Variants in SCMH1 observed in about 807,000 individuals in gnomAD.
SCMH1 encodes Scm polycomb group protein homolog 1.
Under a neutral mutation model 70.8 loss-of-function variants are expected in SCMH1, and 37 were observed. The ratio of observed to expected loss-of-function variants is 0.52; its 90% CI spans 0.40 to 0.69. The LOEUF (loss-of-function observed/expected upper bound fraction) is 0.69. Among genes scored for constraint, SCMH1 ranks in the 30% least tolerant of loss-of-function variants. The probability of loss-of-function intolerance (pLI) is 0.00; values close to 1 mark genes in which losing one functional copy is unlikely to be tolerated. For synonymous variants in SCMH1, 292 were observed against 307.4 expected, an observed-to-expected ratio of 0.95 and a Z score of 0.52; for missense variants, 607 against 827.3, an observed-to-expected ratio of 0.73 and a Z score of 3.27.
intron 3 of SCMH1, 116 bp downstream of exon 3, chr1:41,161,248 G>C (rs533210461): frequency 1.4e-6 from 2 of 1,470,438 alleles, no homozygotes; most frequent in Admixed American, 4.8e-5. Flanking sequence ...TGCAATATTT[G>C]CTTCTGATAT....
exon 15 of SCMH1, chr1:41,028,076 T>TA (rs1643987845): frequency 1.8e-5 from 23 of 1,270,386 alleles, no homozygotes; most frequent in Non-Finnish European, 2.3e-5. Flanking sequence ...CACAGCCTCT[T>TA]GGAGTCCTGA....
At chr1:41,074,859 C>A (rs1336310056) in intron 9 of SCMH1, among the ~76,000 whole-genome samples, 5 of 152,134 alleles carry the variant, frequency 3.3e-5, no homozygotes, top group Admixed American at 3.3e-4. Flanking sequence ...GAATGACCGC[C>A]CCCAACCCTG....
intron 1 of SCMH1, among the ~76,000 whole-genome samples, chr1:41,194,725 G>A (rs956517231): frequency 6.6e-6 from 1 of 151,830 alleles, no homozygotes; most frequent in Non-Finnish European, 1.5e-5. Flanking sequence ...TACATGACCA[G>A]GGCCATTTGA....
chr1:41,032,831 TAGC>T (rs1249937317), intron 13 of SCMH1, among the ~76,000 whole-genome samples: 2 of 151,546 alleles, frequency 1.3e-5, no homozygotes, highest in African/African-American at 4.9e-5. Flanking sequence ...TACAAAAAAT[TAGC>T]AGGGCGTAGT....
At chr1:41,046,915 C>T (rs1197364423) in intron 11 of SCMH1, among the ~76,000 whole-genome samples, 1 of 152,178 alleles carries the variant, frequency 6.6e-6, no homozygotes, top group Non-Finnish European at 1.5e-5. Flanking sequence ...GTTGGACCTC[C>T]CCCAGGAAAT....
At chr1:41,185,900 C>T (rs556298339) in intron 2 of SCMH1, 5 of 335,154 alleles carry the variant, frequency 1.5e-5, no homozygotes, top group East Asian at 5.3e-5. Flanking sequence ...GTTGGAATTA[C>T]AGGCATGAGC....
chr1:41,203,833 T>G (rs566679769), intron 1 of SCMH1, among the ~76,000 whole-genome samples: 1 of 152,358 alleles, frequency 6.6e-6, no homozygotes, highest in South Asian at 2.1e-4. Context: ...TAATCGAATA[T>G]CTATAGAAAC....
intron 8 of SCMH1, among the ~76,000 whole-genome samples, chr1:41,095,681 A>G (rs1664881712): frequency 1.3e-5 from 2 of 152,202 alleles, no homozygotes; most frequent in African/African-American, 4.8e-5. Context: ...GAATATATAT[A>G]TTTCAAATGA....
chr1:41,152,886 C>CT, intron 4 of SCMH1: 1 of 735,812 alleles, frequency 1.4e-6, no homozygotes, highest in Non-Finnish European at 2.1e-6. Flanking sequence ...ATAGATTTGG[C>CT]CAGAAATCAC....
intron 8 of SCMH1, among the ~76,000 whole-genome samples, chr1:41,076,238 G>T (rs1223408084): frequency 1.3e-5 from 2 of 152,096 alleles, no homozygotes; most frequent in Non-Finnish European, 2.9e-5. Context: ...TGGATCCAGG[G>T]CCACCTCCTT....
intron 8 of SCMH1, among the ~76,000 whole-genome samples, chr1:41,083,322 A>T (rs1660622490): frequency 6.6e-6 from 1 of 152,190 alleles, no homozygotes; most frequent in Admixed American, 6.5e-5. Flanking sequence ...ACATTCTTAT[A>T]AACCAGTATC....
intron 2 of SCMH1, among the ~76,000 whole-genome samples, chr1:41,164,175 C>T (rs185283938): frequency 2.6e-3 from 403 of 152,204 alleles, no homozygotes; most frequent in Non-Finnish European, 3.9e-3. Context: ...ACTAAAGGCT[C>T]AATCCTAAAT....
exon 11 of SCMH1, chr1:41,048,828 G>T: frequency 6.2e-7 from 1 of 1,614,216 alleles, no homozygotes; most frequent in Non-Finnish European, 8.5e-7. Flanking sequence ...TCAGGGAGTT[G>T]CTGGACCTTC....
chr1:41,087,048 A>C (rs1217878400), intron 8 of SCMH1, among the ~76,000 whole-genome samples: 2 of 152,218 alleles, frequency 1.3e-5, no homozygotes, highest in Non-Finnish European at 2.9e-5. Context: ...GGACAGGCAC[A>C]CCAATGGAAT....
chr1:41,028,162 GC>G (rs759510754), exon 15 of SCMH1: 7 of 1,613,414 alleles, frequency 4.3e-6, no homozygotes, highest in Non-Finnish European at 5.9e-6. Flanking sequence ...CCCACCTGCT[GC>G]CACTTGGTTG....
intron 3 of SCMH1, among the ~76,000 whole-genome samples, chr1:41,161,130 C>T (rs370527954): frequency 2.6e-5 from 4 of 152,148 alleles, no homozygotes; most frequent in South Asian, 2.1e-4. Flanking sequence ...GCTAAGCAAC[C>T]GTGCCTAAAA....
chr1:41,230,165 G>C (rs1249162970), intron 1 of SCMH1, among the ~76,000 whole-genome samples: 2 of 152,202 alleles, frequency 1.3e-5, no homozygotes, highest in Middle Eastern at 3.2e-3. Context: ...GATCTGATCT[G>C]TGGTGACCGC....
At chr1:41,059,938 T>C (rs1220868156) in intron 10 of SCMH1, among the ~76,000 whole-genome samples, 1 of 151,710 alleles carries the variant, frequency 6.6e-6, no homozygotes, top group African/African-American at 2.4e-5. Flanking sequence ...AGAGAATTTC[T>C]AATTTTCCTT....
chr1:41,070,682 G>A, exon 10 of SCMH1: 1 of 1,614,104 alleles, frequency 6.2e-7, no homozygotes, highest in Non-Finnish European at 8.5e-7. Context: ...CTGGTTGTTG[G>A]TGAGGCAGGT....
Sources: allele counts gnomAD v4.1 joint callset (sites outside exome capture counted in the v4.1 genomes callset), GRCh38; gene constraint gnomAD v4.1.1; transcripts MANE v1.5; gene names NCBI Gene and HGNC (gene_info 2026-07-23, HGNC 2026-07-21).